Variants in ANTXRL observed in about 807,000 individuals in gnomAD.
ANTXRL encodes the protein anthrax toxin receptor-like.
Under a neutral mutation model 75.4 loss-of-function variants are expected in ANTXRL, and 63 were observed. The observed-to-expected ratio is 0.84, with a 90% confidence interval of 0.68 to 1.03. ANTXRL has a LOEUF of 1.03. ANTXRL is among the 50% of genes least tolerant of loss of function. The probability of loss-of-function intolerance (pLI) is 0.00; values close to 1 mark genes in which losing one functional copy is unlikely to be tolerated. For synonymous variants in ANTXRL, 335 were observed against 291.3 expected, an observed-to-expected ratio of 1.15 and a Z score of -1.53; for missense variants, 797 against 789.4, an observed-to-expected ratio of 1.01 and a Z score of -0.12.
At chr10:46,304,490 G>A (rs1837951181) in intron 10 of ANTXRL, among the ~76,000 whole-genome samples, 2 of 152,042 alleles carry the variant, frequency 1.3e-5, no homozygotes, top group South Asian at 4.1e-4. Context: ...CAGTTCTTGG[G>A]CACATGTTCC....
intron 16 of ANTXRL, among the ~76,000 whole-genome samples, chr10:46,314,821 G>A (rs1379836871): frequency 1.3e-5 from 2 of 152,092 alleles, no homozygotes; most frequent in Non-Finnish European, 2.9e-5. Flanking sequence ...GTTGCCTAAG[G>A]CCACCCAGAT....
At chr10:46,298,747 T>C (rs1445683236) in intron 9 of ANTXRL, among the ~76,000 whole-genome samples, 14 of 150,762 alleles carry the variant, frequency 9.3e-5, no homozygotes, top group African/African-American at 3.4e-4. Flanking sequence ...TTTGGTATTT[T>C]TGGTGTATGT....
At chr10:46,293,274 GTGTGAGAGTGTGTGCGTGTGTGCC>G (rs1250779695) in intron 2 of ANTXRL, among the ~76,000 whole-genome samples, 53 of 124,162 alleles carry the variant, frequency 4.3e-4, no homozygotes, top group Non-Finnish European at 7.0e-4. Context: ...ACCTGTGCGT[GTGTGAGAGTGTGTGCGTGTGTGCC>G]TGTGTGTGTG....
chr10:46,290,917 TG>T (rs1451171479), intron 1 of ANTXRL, among the ~76,000 whole-genome samples: 3 of 152,158 alleles, frequency 2.0e-5, no homozygotes, highest in African/African-American at 7.2e-5. Context: ...TAGTGTCCTT[TG>T]ATGCACAAAA....
In ANTXRL at chr10:46,301,548, G is replaced by A. The variant is rs192748739; in HGVS notation, c.797-1174G>A. Among the ~76,000 whole-genome samples, 11 of 152,278 alleles carry A rather than the reference G, an allele frequency of 7.2e-5. No individual in the cohort carries two copies. The East Asian group carries it at 1.5e-3, about 21-fold the overall frequency. On this transcript the variant is annotated intron_variant, in intron 9 of 16. Transcript: ENST00000620264. The stretch of plus-strand genomic sequence containing the variant: ...AGGGCCTTGGAGTGAGGTGGGCCTC[G>A]GAGCTCCTCATCTGAGGAGCATGGT...
chr10:46,309,194 C>T lies in ANTXRL; in HGVS notation c.1126C>T (p.Arg376Cys), dbSNP rs189931090. 3.2e-5 allele frequency: 49 copies of T among 1,534,164 alleles called. 3 individuals are homozygous for T. The highest frequency in any genetic ancestry group is 2.6e-4 in the South Asian group (22 of 84,052). The stretch of plus-strand genomic sequence containing the variant: ...GCTGTGTTGTGTCTGGCGGCTGTGC[C>T]GCAAGCAGGCAAGTGCTCCCTGCCC... ...LLLCCVWRLC[R>C]KQTVKEPPPV... The change falls in exon 13 of 17, where the codon CGC becomes TGC. Residue 376 changes from arginine (R) to cysteine (C), a missense_variant. Around this residue, in one of 3 missense-constraint regions of ANTXRL, gnomAD observed 479 missense variants for 422.0 expected, o/e 1.14. Coordinates refer to ENST00000620264, the MANE Select transcript of ANTXRL (RefSeq NM_001278688.3).
At chr10:46,286,151 G>C (rs782361641), upstream of ANTXRL, among the ~76,000 whole-genome samples, 1 of 152,110 alleles carries the variant, frequency 6.6e-6, no homozygotes, top group Admixed American at 6.6e-5. Flanking sequence ...CCCTAGAGAG[G>C]GGGCCTGTGT....
Position 46,287,247 on chromosome 10 carries a change from C to T in ANTXRL, c.-16C>T. 1 of 1,534,852 alleles carries T rather than the reference C, an allele frequency of 6.5e-7. No homozygotes were observed. Among genetic ancestry groups the T allele is most frequent in the Non-Finnish European group, 8.7e-7 (1 of 1,146,348 alleles). On this transcript the variant is annotated 5_prime_UTR_variant, in exon 1 of 17. Transcript: ENST00000620264. ...GGCACCCAAGAGTGAGGTGGGGTCA[C>T]AGGGACAGCCAGATAATGGGGAGCC...
chr10:46,293,803 C>T (rs782516245), intron 2 of ANTXRL, 26 bp from the exon 3 acceptor site: 1 of 1,532,968 alleles, frequency 6.5e-7, no homozygotes, highest in Non-Finnish European at 8.7e-7. Flanking sequence ...CCACTGGCTT[C>T]TCACCAGCAC....
At chr10:46,289,227 T>C (rs560350807) in intron 1 of ANTXRL, among the ~76,000 whole-genome samples, 161 of 152,294 alleles carry the variant, frequency 1.1e-3, no homozygotes, top group African/African-American at 3.7e-3. Flanking sequence ...CAGCCTCCCA[T>C]GCGCTCCTAT....
chr10:46,324,179 A>G (rs945238083), intron 16 of ANTXRL, among the ~76,000 whole-genome samples: 3 of 152,198 alleles, frequency 2.0e-5, no homozygotes, highest in African/African-American at 4.8e-5. Flanking sequence ...CAGGTAATCT[A>G]CATACTGAGT....
chr10:46,297,376 G>A (rs782357333), intron 6 of ANTXRL, 30 bp from the exon 7 acceptor site: 74 of 1,535,988 alleles, frequency 4.8e-5, no homozygotes, highest in Admixed American at 3.3e-4. Flanking sequence ...GTATTTTGAT[G>A]ACCAATATGC....
At position 46,299,474 on chromosome 10, in the gene ANTXRL, C is replaced by T. The variant is rs537607806; in HGVS notation, c.796+1412C>T. ...AGCTCTTTCTGTGTAGGCTGGGGGT[C>T]TGCATGGCCGGCAGTTGCACAACTG... On this transcript the variant is annotated intron_variant, in intron 9 of 16. Coordinates refer to ENST00000620264, the MANE Select transcript of ANTXRL (RefSeq NM_001278688.3). 6.6e-5 allele frequency among the ~76,000 whole-genome samples: 10 copies of T among 152,026 alleles called. No individual in the cohort carries two copies. The South Asian group carries it at 1.9e-3, about 28-fold the overall frequency.
At chr10:46,291,169 C>T (rs1396409206) in intron 1 of ANTXRL, among the ~76,000 whole-genome samples, 1 of 152,162 alleles carries the variant, frequency 6.6e-6, no homozygotes, top group East Asian at 1.9e-4. Context: ...TTCCCTGCAC[C>T]ATTTCTTGAA....
intron 9 of ANTXRL, among the ~76,000 whole-genome samples, chr10:46,298,839 G>A (rs1434271463): frequency 6.6e-6 from 1 of 151,718 alleles, no homozygotes; most frequent in Admixed American, 6.6e-5. Flanking sequence ...TGTGTGGTAT[G>A]GGGTGGGTTG....
chr10:46,317,014 C>G (rs1588859196), intron 16 of ANTXRL, among the ~76,000 whole-genome samples: 1 of 152,100 alleles, frequency 6.6e-6, no homozygotes, highest in African/African-American at 2.4e-5. Context: ...CACCTTGCAC[C>G]CTGAGCTGCT....
intron 1 of ANTXRL, among the ~76,000 whole-genome samples, chr10:46,289,563 C>A (rs1373773289): frequency 6.6e-6 from 1 of 152,046 alleles, no homozygotes; most frequent in Non-Finnish European, 1.5e-5. Context: ...CCTGTCCATA[C>A]AAAACATACA....
At position 46,313,267 on chromosome 10, in the gene ANTXRL, A is replaced by T. The variant is rs1554963973; in HGVS notation, c.1361A>T (p.His454Leu). 1 of 1,535,818 alleles carries T rather than the reference A, an allele frequency of 6.5e-7. No individual in the cohort carries two copies. Among genetic ancestry groups the T allele is most frequent in the South Asian group, 1.2e-5 (1 of 84,050 alleles). Residue 454 changes from histidine to leucine, a missense_variant, in exon 16 of 17, where the codon CAC becomes CTC. His to Leu is a moderately conservative substitution (Grantham distance 99). This residue lies in a region of ANTXRL where 479 missense variants were observed against 422.0 expected (regional missense o/e 1.14). Transcript: ENST00000620264. ...GNLDTFCDLS[H>L]ASCHQVPWMC... ...CTGGATACCTTTTGTGACCTCTCTC[A>T]CGCAAGCTGCCACCAGGTGCCATGG... is the stretch of plus-strand genomic sequence containing the variant.
chr10:46,300,958 A>G (rs1482010049), intron 9 of ANTXRL, among the ~76,000 whole-genome samples: 2 of 151,896 alleles, frequency 1.3e-5, no homozygotes, highest in Non-Finnish European at 2.9e-5. Context: ...TTTACAATGA[A>G]TGTTTGGCCA....
Sources: allele counts gnomAD v4.1 joint callset (sites outside exome capture counted in the v4.1 genomes callset), GRCh38; gene constraint gnomAD v4.1.1; regional missense constraint gnomAD v4.1.1; transcripts MANE v1.5; gene names NCBI Gene and HGNC (gene_info 2026-07-23, HGNC 2026-07-21).